Variants in DPF3 observed in about 807,000 individuals in gnomAD.
DPF3 encodes the protein zinc finger protein DPF3.
DPF3 carries 18 observed loss-of-function variants against 56.8 expected under a neutral mutation model. The ratio of observed to expected loss-of-function variants is 0.32; its 90% CI spans 0.22 to 0.47. DPF3 has a LOEUF of 0.47. Ranked by LOEUF, DPF3 falls within the 20% of genes least tolerant of loss-of-function variation. DPF3 has a pLI of 1.00. For missense variants in DPF3, 403 were observed against 488.8 expected, an observed-to-expected ratio of 0.82 and a Z score of 1.65; for synonymous variants, 188 against 180.2, an observed-to-expected ratio of 1.04 and a Z score of -0.35.
chr14:72,752,200 C>T (rs1041795970), intron 3 of DPF3, among the ~76,000 whole-genome samples: 1 of 152,176 alleles, frequency 6.6e-6, no homozygotes, highest in African/African-American at 2.4e-5. Context: ...AGTATGTCAA[C>T]TCTACTTGCA....
chr14:72,704,296 A>G (rs929629218), intron 6 of DPF3, among the ~76,000 whole-genome samples: 12 of 152,206 alleles, frequency 7.9e-5, no homozygotes, highest in African/African-American at 2.7e-4. Flanking sequence ...AATAAAAATA[A>G]TTTAAATAAT....
chr14:72,613,581 G>A lies in DPF3; in HGVS notation c.*5716C>T, dbSNP rs1206970501. 6.6e-6 allele frequency among the ~76,000 whole-genome samples: 1 copy of A among 152,174 alleles called. No individual in the cohort carries two copies. Among genetic ancestry groups the A allele is most frequent in the African/African-American group, 2.4e-5 (1 of 41,444 alleles). On this transcript the variant is annotated 3_prime_UTR_variant, in exon 11 of 11. Coordinates refer to ENST00000556509, the MANE Select transcript of DPF3 (RefSeq NM_001280542.3). ...AGGGAAGGAGTGGGGACAGAAGCTG[G>A]AACAAAGGGCCCTGGGGAGTCACCT...
At chr14:72,674,766 A>C (rs1362973874) in intron 7 of DPF3, among the ~76,000 whole-genome samples, 1 of 152,254 alleles carries the variant, frequency 6.6e-6, no homozygotes, top group African/African-American at 2.4e-5. Context: ...GGACAGGGAG[A>C]GGAAAGAGCC....
intron 2 of DPF3, among the ~76,000 whole-genome samples, chr14:72,762,622 T>C (rs1891114156): frequency 1.3e-5 from 2 of 151,626 alleles, no homozygotes; most frequent in Non-Finnish European, 3.0e-5. Flanking sequence ...TACAAAAAAT[T>C]CTACAGCTAA....
chr14:72,680,892 T>C (rs1307943523), intron 7 of DPF3, among the ~76,000 whole-genome samples: 1 of 152,214 alleles, frequency 6.6e-6, no homozygotes, highest in Non-Finnish European at 1.5e-5. Flanking sequence ...TGAGGTCCCT[T>C]TCAGGCCTAT....
chr14:72,880,028 A>T (rs1886268049), intron 1 of DPF3: 1 of 1,366,520 alleles, frequency 7.3e-7, no homozygotes, highest in Admixed American at 3.1e-5. Context: ...TATAGAATCC[A>T]GTTTCTCCCT....
At chr14:72,822,442 A>G (rs1043335336) in intron 1 of DPF3, among the ~76,000 whole-genome samples, 10 of 152,194 alleles carry the variant, frequency 6.6e-5, no homozygotes, top group African/African-American at 2.4e-4. Flanking sequence ...TTAAAGGTGC[A>G]GAACAGGGCA....
chr14:72,833,759 A>G (rs1446080964), intron 1 of DPF3, among the ~76,000 whole-genome samples: 2 of 152,248 alleles, frequency 1.3e-5, no homozygotes, highest in African/African-American at 4.8e-5. Flanking sequence ...TCTCAATGAA[A>G]AGACAAACAG....
At chr14:72,623,433 A>C (rs1002321923) in intron 9 of DPF3, among the ~76,000 whole-genome samples, 1 of 152,216 alleles carries the variant, frequency 6.6e-6, no homozygotes, top group Non-Finnish European at 1.5e-5. Flanking sequence ...TTGACAATAC[A>C]TCCTTAGTAG....
chr14:72,659,698 TA>T (rs1337806327), intron 8 of DPF3, among the ~76,000 whole-genome samples: 1 of 152,222 alleles, frequency 6.6e-6, no homozygotes, highest in Non-Finnish European at 1.5e-5. Flanking sequence ...TGGAAGAAGA[TA>T]TTTTATTCCT....
chr14:72,775,715 A>G (rs2139952077), intron 1 of DPF3, among the ~76,000 whole-genome samples: 1 of 152,296 alleles, frequency 6.6e-6, no homozygotes, highest in Admixed American at 6.5e-5. Context: ...CCCCTCTACC[A>G]TCATCTCCAG....
At position 72,610,111 on chromosome 14, in the gene DPF3, T is replaced by C. The variant is rs1883636078; in HGVS notation, c.*9186A>G. Among the ~76,000 whole-genome samples the C allele has an allele frequency of 6.6e-6, 1 of 152,170 alleles. No individual in the cohort carries two copies. Among genetic ancestry groups the C allele is most frequent in the South Asian group, 2.1e-4 (1 of 4,824 alleles). On this transcript the variant is annotated 3_prime_UTR_variant, in exon 11 of 11. Transcript: ENST00000556509. ...AGCAAGCATTTTGGAATGATGGGGA[T>C]AAAATGTTGCAGTGGCTTCCCTCTC...
chr14:72,789,825 G>A (rs1399271025), intron 1 of DPF3, among the ~76,000 whole-genome samples: 1 of 151,984 alleles, frequency 6.6e-6, no homozygotes, highest in African/African-American at 2.4e-5. Flanking sequence ...CATGAGCCTG[G>A]GTGCACCTGG....
intron 1 of DPF3, among the ~76,000 whole-genome samples, chr14:72,888,040 T>A (rs1197394598): frequency 6.6e-6 from 1 of 151,962 alleles, no homozygotes; most frequent in East Asian, 1.9e-4. Flanking sequence ...GAGGAGAGGG[T>A]GCAAAGTGGG....
At chr14:72,804,260 C>A (rs144901789) in intron 1 of DPF3, among the ~76,000 whole-genome samples, 6 of 151,222 alleles carry the variant, frequency 4.0e-5, no homozygotes, top group South Asian at 2.1e-4. Context: ...ATCCACACTG[C>A]GTGCCTCCTG....
At chr14:72,698,116 A>G (rs910135015) in intron 6 of DPF3, among the ~76,000 whole-genome samples, 2 of 152,228 alleles carry the variant, frequency 1.3e-5, no homozygotes, top group Admixed American at 1.3e-4. Flanking sequence ...TCAAATCAAA[A>G]TTACAACCTT....
intron 2 of DPF3, among the ~76,000 whole-genome samples, chr14:72,765,538 A>G (rs770781168): frequency 8.5e-5 from 13 of 152,238 alleles, no homozygotes; most frequent in Non-Finnish European, 1.9e-4. Flanking sequence ...GGATAAATTA[A>G]CTGTGATACA....
intron 1 of DPF3, among the ~76,000 whole-genome samples, chr14:72,792,757 AC>A (rs1046341846): frequency 2.9e-4 from 44 of 152,148 alleles, no homozygotes; most frequent in African/African-American, 1.0e-3. Context: ...AGCAGAGGCC[AC>A]TTCCAATGAC....
At position 72,693,155 on chromosome 14, in the gene DPF3, G is replaced by A. The variant is rs377758527; in HGVS notation, c.663C>T (p.His221=). 7 of 1,613,916 alleles carry A rather than the reference G, an allele frequency of 4.3e-6. No homozygotes were observed. In the African/African-American group the frequency reaches 8.0e-5, roughly 18 times the overall value. Residue 221 remains histidine, a synonymous_variant, in exon 7 of 11, where the codon CAC becomes CAT. Coordinates refer to ENST00000556509, the MANE Select transcript of DPF3 (RefSeq NM_001280542.3). ...CTTCATCCCCCTCCTCGCTGGCCAGGTGAGTGTGAGCATAGTGGTAGCTGA... is the reference window on the plus strand; with the variant it reads ...CTTCATCCCCCTCCTCGCTGGCCAGATGAGTGTGAGCATAGTGGTAGCTGA... The part of the protein sequence containing the change: ...PGLSYHYAHT[H]LASEEGDEAQ...
Sources: allele counts gnomAD v4.1 joint callset (sites outside exome capture counted in the v4.1 genomes callset), GRCh38; gene constraint gnomAD v4.1.1; transcripts MANE v1.5; gene names NCBI Gene and HGNC (gene_info 2026-07-23, HGNC 2026-07-21).